The following UBE2D3 variants were observed in gnomAD, a reference collection of about 807,000 sequenced individuals.
UBE2D3 encodes the protein ubiquitin conjugating enzyme E2 D3.
In UBE2D3, 2 loss-of-function variants were observed where a neutral mutation model predicts 22.8. That is an observed-to-expected ratio of 0.09 (90% CI 0.04 to 0.28). The LOEUF (loss-of-function observed/expected upper bound fraction) is 0.28, where lower values mean the gene tolerates loss of function less well. Ranked by LOEUF, UBE2D3 falls within the 10% of genes least tolerant of loss-of-function variation. UBE2D3 has a pLI of 1.00. For missense variants in UBE2D3, 27 were observed against 182.5 expected (o/e 0.15, Z 4.91); for synonymous variants, 56 against 60.4 (o/e 0.93, Z 0.34).
intron 1 of UBE2D3, among the ~76,000 whole-genome samples, chr4:102,863,813 A>C (rs898071226): frequency 6.6e-6 from 1 of 152,176 alleles, no homozygotes; most frequent in Non-Finnish European, 1.5e-5. Flanking sequence ...TTTCAATATG[A>C]GACTTGGAGG....
At chr4:102,826,918 GC>G in intron 1 of UBE2D3, 5 of 1,020,024 alleles carry the variant, frequency 4.9e-6, no homozygotes, top group Non-Finnish European at 5.9e-6. Context: ...AGGGTCCGGA[GC>G]CCAGCAGAGG....
chr4:102,807,199 G>A (rs141412767), intron 4 of UBE2D3, among the ~76,000 whole-genome samples: 3 of 152,268 alleles, frequency 2.0e-5, no homozygotes, highest in African/African-American at 7.2e-5. Flanking sequence ...TAATTTATGG[G>A]TTGCTTTAGG....
At chr4:102,868,590 G>A in intron 1 of UBE2D3, 3 of 1,196,928 alleles carry the variant, frequency 2.5e-6, no homozygotes, top group Non-Finnish European at 3.7e-6. Flanking sequence ...GTAAAATTAG[G>A]CACTGGGGTC....
At chr4:102,848,311 G>A (rs1032888011) in intron 1 of UBE2D3, among the ~76,000 whole-genome samples, 1 of 151,982 alleles carries the variant, frequency 6.6e-6, no homozygotes, top group Non-Finnish European at 1.5e-5. Context: ...AGGAGTTCAA[G>A]ACCAGCCTGG....
intron 1 of UBE2D3, among the ~76,000 whole-genome samples, chr4:102,845,034 A>C (rs1323067671): frequency 8.6e-5 from 13 of 151,352 alleles, no homozygotes; most frequent in African/African-American, 2.9e-4. Flanking sequence ...AAAAAAAAAA[A>C]AAAAAAGAAT....
intron 4 of UBE2D3, among the ~76,000 whole-genome samples, chr4:102,804,211 G>A (rs903221291): frequency 5.3e-5 from 8 of 152,026 alleles, no homozygotes; most frequent in African/African-American, 1.7e-4. Flanking sequence ...GCCCAAGCTC[G>A]AGTAAAATGG....
chr4:102,801,777 G>C (rs1179813052), intron 5 of UBE2D3: 8 of 400,256 alleles, frequency 2.0e-5, no homozygotes, highest in Non-Finnish European at 9.0e-6. Flanking sequence ...TTACTCATAT[G>C]ATGTAAAGTT....
At position 102,801,435 on chromosome 4, in the gene UBE2D3, T is replaced by C; in HGVS notation, c.304+19A>G. 6.3e-7 allele frequency: 1 copy of C among 1,584,618 alleles called. No individual in the cohort carries two copies. The highest frequency in any genetic ancestry group is 8.6e-7 in the Non-Finnish European group (1 of 1,156,592). ...TTTATTAGACAATGAGAACAGCTTA[T>C]TTCACTAGAAATATTTACCTTTAGA... On this transcript the variant is annotated intron_variant, in intron 6 of 7. Coordinates refer to ENST00000453744, the MANE Select transcript of UBE2D3 (RefSeq NM_181891.3).
intron 1 of UBE2D3, among the ~76,000 whole-genome samples, chr4:102,863,579 C>T (rs546990489): frequency 6.6e-6 from 1 of 152,144 alleles, no homozygotes; most frequent in East Asian, 1.9e-4. Flanking sequence ...CTGCAACCTC[C>T]ATCTCCCGGG....
At chr4:102,811,400 G>A (rs115566587) in intron 2 of UBE2D3, 1,609 of 154,006 alleles carry the variant, frequency 0.01, 22 homozygotes, top group African/African-American at 0.036. Flanking sequence ...AAAAAAGCTA[G>A]ACTGGGCACA....
In UBE2D3 at chr4:102,826,631, AGGCGCCTTTTGC is replaced by A; in HGVS notation, c.-128-7_-124del. 6.3e-7 allele frequency: 1 copy of A among 1,577,642 alleles called. No homozygotes were observed. Among genetic ancestry groups the A allele is most frequent in the Non-Finnish European group, 8.5e-7 (1 of 1,170,240 alleles). ...GTCTCACACCAGCTCTGCCAGACACAGGCGCCTTTTGCAAAAACGGAGCAGATCAGCACTCGC... is the reference window on the plus strand; with the variant it reads ...GTCTCACACCAGCTCTGCCAGACACAAAAAACGGAGCAGATCAGCACTCGC... On this transcript the variant is annotated splice_acceptor_variant and splice_polypyrimidine_tract_variant and 5_prime_UTR_variant and intron_variant, in exon 2 of 8. Coordinates refer to ENST00000453744, the MANE Select transcript of UBE2D3 (RefSeq NM_181891.3). LOFTEE classifies it low-confidence loss of function (5UTR_SPLICE).
intron 1 of UBE2D3, among the ~76,000 whole-genome samples, chr4:102,864,155 T>C (rs2110383029): frequency 6.6e-6 from 1 of 152,334 alleles, no homozygotes; most frequent in African/African-American, 2.4e-5. Context: ...AAGATGTAGG[T>C]ATTACCTACA....
intron 7 of UBE2D3, among the ~76,000 whole-genome samples, 177 bp downstream of exon 7, chr4:102,799,230 T>G (rs1382140031): frequency 6.6e-6 from 1 of 151,850 alleles, no homozygotes; most frequent in Non-Finnish European, 1.5e-5. Flanking sequence ...GAGCATTCAC[T>G]GTCACATAAG....
intron 2 of UBE2D3, among the ~76,000 whole-genome samples, chr4:102,823,452 TATA>T (rs1729951401): frequency 6.6e-6 from 1 of 152,356 alleles, no homozygotes; most frequent in African/African-American, 2.4e-5. Flanking sequence ...GCCGCTTGCT[TATA>T]ATCATATATA....
upstream of UBE2D3, among the ~76,000 whole-genome samples, chr4:102,829,879 C>A (rs1472711823): frequency 6.6e-6 from 1 of 151,902 alleles, no homozygotes; most frequent in African/African-American, 2.4e-5. Flanking sequence ...GCGGAGGTTG[C>A]GGTGGGCCAA....
chr4:102,866,916 T>A (rs913638498), intron 1 of UBE2D3, among the ~76,000 whole-genome samples: 14 of 152,168 alleles, frequency 9.2e-5, no homozygotes, highest in Admixed American at 8.5e-4. Flanking sequence ...AGATAACAGT[T>A]AACAGAATAG....
chr4:102,833,103 C>T (rs1009395379), intron 1 of UBE2D3, among the ~76,000 whole-genome samples: 8 of 148,794 alleles, frequency 5.4e-5, no homozygotes, highest in African/African-American at 9.8e-5. Flanking sequence ...TAAAGAACTA[C>T]GAAACTAAAG....
At chr4:102,814,128 A>T (rs1728452611) in intron 2 of UBE2D3, among the ~76,000 whole-genome samples, 1 of 152,208 alleles carries the variant, frequency 6.6e-6, no homozygotes, top group African/African-American at 2.4e-5. Context: ...ATTGATTCTG[A>T]TCAGTGGGAA....
intron 1 of UBE2D3, among the ~76,000 whole-genome samples, chr4:102,840,096 T>C (rs1300719432): frequency 2.6e-5 from 4 of 152,016 alleles, no homozygotes; most frequent in Non-Finnish European, 4.4e-5. Context: ...GACAGAGTGG[T>C]TATTACGAAA....
Sources: gnomAD v4.1 joint callset for allele counts (sites outside exome capture counted in the v4.1 genomes callset) on GRCh38, gnomAD v4.1.1 for gene constraint, MANE v1.5 for transcripts, NCBI Gene and HGNC (gene_info 2026-07-23, HGNC 2026-07-21) for gene names.